IGFBP4: variants seen among roughly 807,000 people sequenced by gnomAD.
The protein encoded by IGFBP4 is insulin-like growth factor-binding protein 4.
IGFBP4 carries 9 observed loss-of-function variants against 25.8 expected under a neutral mutation model. The observed-to-expected ratio is 0.35, with a 90% CI of 0.21 to 0.61. The LOEUF is 0.61. Among genes scored for constraint, IGFBP4 ranks in the 20% least tolerant of loss-of-function variants. The pLI is 0.77. For missense variants in IGFBP4, 315 were observed against 365.3 expected (o/e 0.86, Z 1.12); for synonymous variants, 153 against 153.9 (o/e 0.99, Z 0.05).
intron 3 of IGFBP4, 90 bp from the exon 4 acceptor site, chr17:40,456,359 T>C: frequency 2.2e-6 from 3 of 1,382,460 alleles, no homozygotes; most frequent in Non-Finnish European, 3.0e-6. Context: ...CCGTCTGACT[T>C]GGGGGCTGGG....
intron 1 of IGFBP4, among the ~76,000 whole-genome samples, chr17:40,448,626 G>A (rs895356372): frequency 1.3e-5 from 2 of 152,214 alleles, no homozygotes; most frequent in Non-Finnish European, 2.9e-5. Flanking sequence ...GAAATAGCAA[G>A]TATTTAGCCA....
chr17:40,455,133 A>G (rs534909608), intron 3 of IGFBP4, among the ~76,000 whole-genome samples: 1 of 152,304 alleles, frequency 6.6e-6, no homozygotes, highest in African/African-American at 2.4e-5. Flanking sequence ...TTTATTTTTT[A>G]GAGTAGTTTT....
intron 1 of IGFBP4, among the ~76,000 whole-genome samples, chr17:40,450,712 A>T (rs1157612058): frequency 6.6e-6 from 1 of 150,626 alleles, no homozygotes; most frequent in Non-Finnish European, 1.5e-5. Context: ...TTTGGTAGAG[A>T]CAGGGTCTTG....
intron 1 of IGFBP4, among the ~76,000 whole-genome samples, chr17:40,447,036 C>T (rs1336828267): frequency 6.6e-6 from 1 of 152,230 alleles, no homozygotes; most frequent in East Asian, 1.9e-4. Flanking sequence ...AGGTTTGGGC[C>T]CACTGGCCCG....
intron 1 of IGFBP4, among the ~76,000 whole-genome samples, chr17:40,450,805 G>A (rs892566907): frequency 6.6e-6 from 1 of 152,012 alleles, no homozygotes; most frequent in Non-Finnish European, 1.5e-5. Flanking sequence ...GATTACAGGC[G>A]TGAGCACCCA....
Position 40,453,975 on chromosome 17 carries a change from G to A in IGFBP4, c.555G>A (p.Leu185=). Residue 185 remains leucine, a synonymous_variant, in exon 3 of 4, where the codon CTG becomes CTA. Transcript: ENST00000269593. The surrounding 1 kb of genome is among the most constrained non-coding windows in gnomAD (Gnocchi z 4.0). ...AGCTGCACCGGGCGCTGGAGCGGCTGGCCGCTTCACAGAGCCGCACCCACG... is the reference window on the plus strand; with the variant it reads ...AGCTGCACCGGGCGCTGGAGCGGCTAGCCGCTTCACAGAGCCGCACCCACG... ...QSELHRALER[L]AASQSRTHED... 6.2e-7 allele frequency: 1 copy of A among 1,612,836 alleles called. No individual in the cohort carries two copies. The highest frequency in any genetic ancestry group is 8.5e-7 in the Non-Finnish European group (1 of 1,179,586).
rs1359557233 is a variant in IGFBP4, at chr17:40,456,567, A to T, written c.761A>T (p.Asp254Val). ...GAGCTGGACTGCCACCAGCTGGCTGACAGCTTTCGAGAGTGAGGCCTGCCA... is the reference window on the plus strand; with the variant it reads ...GAGCTGGACTGCCACCAGCTGGCTGTCAGCTTTCGAGAGTGAGGCCTGCCA... ...KGELDCHQLA[D>V]SFRE The change falls in exon 4 of 4, where the codon GAC becomes GTC. Residue 254 changes from aspartate (D) to valine (V), a missense_variant. Coordinates refer to ENST00000269593, the MANE Select transcript of IGFBP4 (RefSeq NM_001552.3). 6.8e-6 allele frequency: 11 copies of T among 1,613,010 alleles called. No individual in the cohort carries two copies. The Admixed American group carries it at 1.0e-4, about 15-fold the overall frequency.
At chr17:40,449,340 G>A (rs889003914) in intron 1 of IGFBP4, among the ~76,000 whole-genome samples, 14 of 152,134 alleles carry the variant, frequency 9.2e-5, no homozygotes, top group African/African-American at 2.9e-4. Context: ...TAAAAGCTCA[G>A]CACTGTGGCT....
chr17:40,452,309 G>A (rs2035687982), intron 1 of IGFBP4, among the ~76,000 whole-genome samples: 1 of 152,190 alleles, frequency 6.6e-6, no homozygotes, highest in Non-Finnish European at 1.5e-5. Context: ...CGAGGTGGGG[G>A]ACTGAAGGAA....
chr17:40,452,819 G>A (rs970036569), intron 1 of IGFBP4, among the ~76,000 whole-genome samples, 166 bp from the exon 2 acceptor site: 1 of 152,056 alleles, frequency 6.6e-6, no homozygotes, highest in Non-Finnish European at 1.5e-5. Flanking sequence ...GAGAGGGGAG[G>A]AGGTAGGGGG....
intron 1 of IGFBP4, among the ~76,000 whole-genome samples, chr17:40,445,447 A>G (rs1336963974): frequency 6.6e-6 from 1 of 152,148 alleles, no homozygotes; most frequent in Non-Finnish European, 1.5e-5. Context: ...TCCAGCCCCA[A>G]GCTTCCTGTC....
intron 1 of IGFBP4, among the ~76,000 whole-genome samples, chr17:40,446,169 CA>C (rs71152673): frequency 0.022 from 2,201 of 99,238 alleles, 41 homozygotes; most frequent in African/African-American, 0.071. Flanking sequence ...CCCGTCTCTA[CA>C]AAAAAAAAAA....
chr17:40,444,418 C>A (rs1468846275), intron 1 of IGFBP4, among the ~76,000 whole-genome samples: 1 of 146,046 alleles, frequency 6.8e-6, no homozygotes, highest in Non-Finnish European at 1.5e-5. Flanking sequence ...CTGTCTAGGG[C>A]CAGAGAACTG....
At chr17:40,450,394 T>C (rs1422780656) in intron 1 of IGFBP4, among the ~76,000 whole-genome samples, 4 of 152,232 alleles carry the variant, frequency 2.6e-5, no homozygotes, top group Non-Finnish European at 5.9e-5. Flanking sequence ...GTTAGTGTCC[T>C]GGGCTGTGGC....
rs2035722423 is a variant in IGFBP4, at chr17:40,457,543, G to A, written c.*960G>A. The A allele has an allele frequency of 6.6e-6, 1 of 151,976 alleles. No homozygotes were observed. The highest frequency in any genetic ancestry group is 2.1e-4 in the South Asian group (1 of 4,822). 9.4% of individuals were successfully genotyped at this position (151,976 alleles called of 1,614,324 possible). On this transcript the variant is annotated 3_prime_UTR_variant, in exon 4 of 4. Transcript: ENST00000269593. ...CTATCCTTCCAGTGGCTCGCTCCCT[G>A]TAGCTCTGCCTCCCTCTCCATATCT...
Position 40,452,989 on chromosome 17 carries a change from G to A in IGFBP4, c.354G>A (p.Lys118=), listed in dbSNP as rs138045108. 3.9e-6 allele frequency: 6 copies of A among 1,546,540 alleles called. No individual in the cohort carries two copies. Among genetic ancestry groups the A allele is most frequent in the East Asian group, 2.5e-5 (1 of 40,324 alleles). ...CTTATCGCTACCTGAATACAGACAA[G>A]GACGAGGGTGACCACCCCAACAACA... ...AIQESLQPSD[K]DEGDHPNNSF... The change falls in exon 2 of 4, where the codon AAG becomes AAA. Residue 118 remains lysine, a synonymous_variant. Transcript: ENST00000269593.
In IGFBP4 at chr17:40,444,057, G is replaced by A; in HGVS notation, c.322G>A (p.Ala108Thr). ...GTGCATGGAGCTGGCGGAGATCGAG[G>A]CCATCCAGGAAAGCCTGCAGCCCTC... ...GVCMELAEIE[A>T]IQESLQPSDK... Residue 108 changes from alanine (A) to threonine (T), a missense_variant, in exon 1 of 4, where the codon GCC becomes ACC. By Grantham distance (58) the Ala-to-Thr change is moderately conservative. Transcript: ENST00000269593. The A allele has an allele frequency of 2.6e-6, 4 of 1,538,456 alleles. No homozygotes were observed. Among genetic ancestry groups the A allele is most frequent in the Non-Finnish European group, 3.5e-6 (4 of 1,147,768 alleles).
chr17:40,452,146 GT>G (rs10305300), intron 1 of IGFBP4, among the ~76,000 whole-genome samples: 2,063 of 152,302 alleles, frequency 0.014, 18 homozygotes, highest in Non-Finnish European at 0.021. Context: ...TTTGGATGGA[GT>G]TTTTCTTGAG....
Position 40,443,853 on chromosome 17 carries a change from C to A in IGFBP4, c.118C>A (p.Pro40Thr), listed in dbSNP as rs578013057. Residue 40 changes from proline to threonine, a missense_variant, in exon 1 of 4, where the codon CCC (proline) becomes ACC (threonine). By Grantham distance (38) the Pro-to-Thr change is conservative. Coordinates refer to ENST00000269593, the MANE Select transcript of IGFBP4 (RefSeq NM_001552.3). ...CGAGGAGAAGCTGGCGCGCTGCCGC[C>A]CCCCCGTGGGCTGCGAGGAGCTGGT... is the stretch of plus-strand genomic sequence containing the variant. ...CSEEKLARCR[P>T]PVGCEELVRE... 3 of 1,531,948 alleles carry A rather than the reference C, an allele frequency of 2.0e-6. No homozygotes were observed. Among genetic ancestry groups the A allele is most frequent in the African/African-American group, 1.4e-5 (1 of 72,570 alleles). 94.9% of individuals were successfully genotyped at this position (1,531,948 alleles called of 1,614,324 possible).
Sources: allele counts gnomAD v4.1 joint callset (sites outside exome capture counted in the v4.1 genomes callset), GRCh38; gene constraint gnomAD v4.1.1; non-coding constraint Gnocchi (gnomAD v3.1); transcripts MANE v1.5; gene names NCBI Gene and HGNC (gene_info 2026-07-23, HGNC 2026-07-21).